Variants in EPB42 observed in about 807,000 individuals in gnomAD.
EPB42 encodes the protein erythrocyte membrane protein band 4.2.
In EPB42, 49 loss-of-function variants were observed where a neutral mutation model predicts 76.9. The observed-to-expected ratio is 0.64, with a 90% CI of 0.51 to 0.81. The LOEUF (loss-of-function observed/expected upper bound fraction) is 0.81. Ranked by LOEUF, EPB42 falls within the 30% of genes least tolerant of loss-of-function variation. The pLI is 0.00. For synonymous variants in EPB42, 310 were observed against 338.4 expected (o/e 0.92, Z 0.92); for missense variants, 731 against 867.6 (o/e 0.84, Z 1.98).
At chr15:43,203,299 C>T in intron 10 of EPB42, 24 bp from the exon 11 acceptor site, 1 of 1,614,050 alleles carries the variant, frequency 6.2e-7, no homozygotes, top group Non-Finnish European at 8.5e-7. Flanking sequence ...CAGGTGGAGT[C>T]AGTGGCAACA....
At chr15:43,220,649 A>AACC in intron 1 of EPB42, 167 bp downstream of exon 1, 221 of 387,886 alleles carry the variant, frequency 5.7e-4, no homozygotes, top group Middle Eastern at 1.2e-3. Context: ...CACCTACCAC[A>AACC]CCCCCCCCCC....
upstream of EPB42, among the ~76,000 whole-genome samples, chr15:43,224,415 A>G (rs972282738): frequency 6.6e-6 from 1 of 152,210 alleles, no homozygotes; most frequent in South Asian, 2.1e-4. Context: ...TTTCTACCAA[A>G]ACTTTAAATG....
Position 43,212,264 on chromosome 15 carries a change from G to A in EPB42, c.431-730C>T, listed in dbSNP as rs188550641. Among the ~76,000 whole-genome samples, 166 of 151,822 alleles carry A rather than the reference G, an allele frequency of 1.1e-3. 1 individual carries two copies. Among genetic ancestry groups the A allele is most frequent in the Middle Eastern group, 0.01 (3 of 294 alleles). Reference sequence around the variant, plus strand: ...CGTGCTTGTAGTTCCAGCTACTTGGGAGGCTAAGGCAGAAGAATCTCTTGA... The same window carrying A: ...CGTGCTTGTAGTTCCAGCTACTTGGAAGGCTAAGGCAGAAGAATCTCTTGA... On this transcript the variant is annotated intron_variant, in intron 3 of 12. Transcript: ENST00000441366.
At chr15:43,209,579 G>A in intron 5 of EPB42, 128 bp from the exon 6 acceptor site, 1 of 1,066,158 alleles carries the variant, frequency 9.4e-7, no homozygotes, top group Non-Finnish European at 1.4e-6. Context: ...AGAGCCACCT[G>A]GTACTGGTTA....
At chr15:43,216,186 C>G (rs1170273127) in intron 2 of EPB42, 82 bp downstream of exon 2, 1 of 1,555,888 alleles carries the variant, frequency 6.4e-7, no homozygotes, top group Non-Finnish European at 8.8e-7. Context: ...CCATTTGTCC[C>G]TTGATTCCCT....
rs570040706 is a variant in EPB42, at chr15:43,204,807, C to G, written c.1618+1523G>C. On this transcript the variant is annotated intron_variant, in intron 10 of 12. Transcript: ENST00000441366. ...CTCAAGACTGGATGCATGTTAGAAT[C>G]AAGTGGGGAGCTTTACAAAACAATC... 1.8e-4 allele frequency among the ~76,000 whole-genome samples: 28 copies of G among 152,270 alleles called. 1 individual carries two copies. The South Asian group carries it at 5.6e-3, about 30-fold the overall frequency.
chr15:43,201,553 T>C (rs900733416), intron 12 of EPB42, among the ~76,000 whole-genome samples: 8 of 152,202 alleles, frequency 5.3e-5, no homozygotes. Flanking sequence ...CCAGCCCTAA[T>C]GCCCTCGCCT....
chr15:43,209,880 G>A (rs76700620), intron 5 of EPB42, among the ~76,000 whole-genome samples: 1,631 of 152,344 alleles, frequency 0.011, 25 homozygotes, highest in African/African-American at 0.036. Flanking sequence ...AGAGGGAATG[G>A]TGAACACATG....
chr15:43,200,503 CAAAAG>C (rs1431206432), intron 12 of EPB42, among the ~76,000 whole-genome samples: 2 of 151,980 alleles, frequency 1.3e-5, no homozygotes, highest in Non-Finnish European at 2.9e-5. Context: ...ACAGAAACAC[CAAAAG>C]AAAAGTGGGC....
chr15:43,207,498 C>T, intron 8 of EPB42, 57 bp from the exon 9 acceptor site: 1 of 1,605,418 alleles, frequency 6.2e-7, no homozygotes, highest in Non-Finnish European at 8.5e-7. Flanking sequence ...CTGCTCAGTT[C>T]AGAACTGCGT....
chr15:43,215,810 C>T (rs1426349417), intron 2 of EPB42, among the ~76,000 whole-genome samples: 1 of 152,192 alleles, frequency 6.6e-6, no homozygotes, highest in Non-Finnish European at 1.5e-5. Context: ...GATTCTACTG[C>T]CTCAGCCTCC....
Position 43,199,441 on chromosome 15 carries a change from A to G in EPB42, c.1914-1977T>C, listed in dbSNP as rs1012415272. Among the ~76,000 whole-genome samples the G allele has an allele frequency of 2.6e-5, 4 of 152,100 alleles. 1 individual carries two copies. Among genetic ancestry groups the G allele is most frequent in the South Asian group, 2.1e-4 (1 of 4,830 alleles). ...CCCTGTAACTCCTTTGTTTTGGCCAATTTCTCCATTTGGAATGGCTGTATT... is the reference window on the plus strand; with the variant it reads ...CCCTGTAACTCCTTTGTTTTGGCCAGTTTCTCCATTTGGAATGGCTGTATT... On this transcript the variant is annotated intron_variant, in intron 12 of 12. Transcript: ENST00000441366.
Position 43,207,418 on chromosome 15 carries a change from G to C in EPB42, c.1099C>G (p.Pro367Ala), listed in dbSNP as rs752063848. The stretch of plus-strand genomic sequence containing the variant: ...GTCCCCTCCTTGACTGCTCTGACCG[G>C]CACCAGATCACAGGACCCCAGGACT... ...GGVLGSCDLV[P>A]VRAVKEGTLG... Residue 367 changes from proline (P) to alanine (A), a missense_variant, in exon 9 of 13, where the codon CCG becomes GCG. Coordinates refer to ENST00000441366, the MANE Select transcript of EPB42 (RefSeq NM_001114134.2). 3.1e-6 allele frequency: 5 copies of C among 1,613,818 alleles called. No individual in the cohort carries two copies. The highest frequency in any genetic ancestry group is 2.5e-6 in the Non-Finnish European group (3 of 1,180,046).
At chr15:43,215,430 T>C in intron 2 of EPB42, 102 bp from the exon 3 acceptor site, 1 of 1,323,486 alleles carries the variant, frequency 7.6e-7, no homozygotes, top group Non-Finnish European at 1.1e-6. Context: ...AAATTTGTTT[T>C]TGGAGGATAA....
intron 10 of EPB42, among the ~76,000 whole-genome samples, chr15:43,205,839 TAAAAAA>T (rs567922581): frequency 6.6e-6 from 1 of 151,994 alleles, no homozygotes; most frequent in African/African-American, 2.4e-5. Flanking sequence ...CACAGGGTGT[TAAAAAA>T]AGAAAAAAAC....
At chr15:43,204,208 C>A (rs893993801) in intron 10 of EPB42, among the ~76,000 whole-genome samples, 2 of 152,194 alleles carry the variant, frequency 1.3e-5, no homozygotes, top group Admixed American at 1.3e-4. Context: ...TGTAAGTCCA[C>A]TCTCTTAATG....
intron 12 of EPB42, among the ~76,000 whole-genome samples, chr15:43,199,772 T>A (rs373647717): frequency 3.3e-5 from 5 of 152,176 alleles, no homozygotes. Context: ...GGGGAAGTAA[T>A]TGAATTATGG....
chr15:43,199,805 T>C (rs1298000114), intron 12 of EPB42, among the ~76,000 whole-genome samples: 2 of 152,148 alleles, frequency 1.3e-5, no homozygotes, highest in African/African-American at 4.8e-5. Context: ...CCCATGCTAT[T>C]CTTGTGATAG....
chr15:43,203,328 A>G, intron 10 of EPB42, 53 bp from the exon 11 acceptor site: 1 of 1,609,310 alleles, frequency 6.2e-7, no homozygotes. Context: ...TACCCCAGAA[A>G]CAGCCATAGT....
Sources: allele counts gnomAD v4.1 joint callset (sites outside exome capture counted in the v4.1 genomes callset), GRCh38; gene constraint gnomAD v4.1.1; transcripts MANE v1.5; gene names NCBI Gene and HGNC (gene_info 2026-07-23, HGNC 2026-07-21).